Variants in CRNKL1 observed in about 807,000 individuals in gnomAD.
CRNKL1 encodes crooked neck pre-mRNA splicing factor 1, also known as crooked neck-like protein 1.
Under a neutral mutation model 103.7 loss-of-function variants are expected in CRNKL1, and 35 were observed. The observed-to-expected ratio is 0.34, with a 90% CI of 0.26 to 0.45. CRNKL1 has a LOEUF of 0.45. Ranked by LOEUF, CRNKL1 falls within the 20% of genes least tolerant of loss-of-function variation. The pLI, the probability that CRNKL1 is intolerant of heterozygous loss-of-function variation, is 1.00. For missense variants in CRNKL1, 645 were observed against 836.0 expected (o/e 0.77, Z 2.82); for synonymous variants, 267 against 282.6 (o/e 0.94, Z 0.55).
rs1172988928 is a variant in CRNKL1 at position 20,039,656 on chromosome 20, C to G, written c.1498G>C (p.Ala500Pro). The G allele has an allele frequency of 1.2e-6, 2 of 1,614,146 alleles. No individual in the cohort carries two copies. Among genetic ancestry groups the G allele is most frequent in the South Asian group, 2.2e-5 (2 of 91,076 alleles). Residue 500 changes from alanine (A) to proline (P), a missense_variant, in exon 11 of 14, where the codon GCA becomes CCA. Ala to Pro is a conservative substitution (Grantham distance 27). Coordinates refer to ENST00000536226, the MANE Select transcript of CRNKL1 (RefSeq NM_001278628.2). Reference protein sequence around the residue: ...TILGDIDRARAIYELAISQPR... With the variant: ...TILGDIDRARPIYELAISQPR... ...TGACTGATGGCTAATTCATAGATTGCCCGTGCTCTGTCAATATCACCAAGG... is the reference window on the plus strand; with the variant it reads ...TGACTGATGGCTAATTCATAGATTGGCCGTGCTCTGTCAATATCACCAAGG...
intron 12 of CRNKL1, 45 bp from the exon 13 acceptor site, chr20:20,037,616 G>GA (rs1246209698): frequency 1.3e-6 from 2 of 1,577,196 alleles, no homozygotes; most frequent in African/African-American, 2.7e-5. Flanking sequence ...ATATCACTCA[G>GA]AAGATAATAA....
In CRNKL1 at chr20:20,042,442, C is replaced by T. The variant is rs766886257; in HGVS notation, c.1047G>A (p.Val349=). 1.9e-6 allele frequency: 3 copies of T among 1,614,158 alleles called. No individual in the cohort carries two copies. In the South Asian group the frequency reaches 3.3e-5, roughly 18 times the overall value. The change falls in exon 8 of 14, where the codon GTG becomes GTA. Residue 349 remains valine (V), a synonymous_variant. Coordinates refer to ENST00000536226, the MANE Select transcript of CRNKL1 (RefSeq NM_001278628.2). ...CAATGGCCCTTTCATAGACTTCTCTCACGGCTTCAGCTTCTGCGTCACTTT... is the reference window on the plus strand; with the variant it reads ...CAATGGCCCTTTCATAGACTTCTCTTACGGCTTCAGCTTCTGCGTCACTTT... ...LVESDAEAEA[V]REVYERAIAN...
chr20:20,038,239 A>T (rs1265087402), intron 12 of CRNKL1, 110 bp downstream of exon 12: 9 of 144,684 alleles, frequency 6.2e-5, no homozygotes, highest in Middle Eastern at 1.0e-3. Context: ...GGAAGTCATT[A>T]AAAAAAAAAA....
intron 13 of CRNKL1, 39 bp downstream of exon 13, chr20:20,037,284 T>C (rs779152395): frequency 1.9e-6 from 3 of 1,593,976 alleles, no homozygotes; most frequent in Non-Finnish European, 2.6e-6. Flanking sequence ...TTTCTACTCA[T>C]GTGACGTGAG....
chr20:20,049,853 T>C (rs867561819), intron 2 of CRNKL1, among the ~76,000 whole-genome samples: 10 of 152,108 alleles, frequency 6.6e-5, no homozygotes, highest in Middle Eastern at 3.4e-3. Flanking sequence ...AGTCTTGCTC[T>C]GTCGCCCAGG....
At chr20:20,037,606 A>G (rs201593794) in intron 12 of CRNKL1, 35 bp from the exon 13 acceptor site, 2 of 1,595,744 alleles carry the variant, frequency 1.3e-6, no homozygotes, top group African/African-American at 1.4e-5. Flanking sequence ...CAAATTAACC[A>G]TATCACTCAG....
At chr20:20,037,268 G>A in intron 13 of CRNKL1, 55 bp downstream of exon 13, 1 of 1,573,040 alleles carries the variant, frequency 6.4e-7, no homozygotes, top group South Asian at 1.2e-5. Flanking sequence ...TTCGACGTCA[G>A]AAGTGTTTCT....
At chr20:20,041,273 C>T (rs2043509901) in intron 9 of CRNKL1, among the ~76,000 whole-genome samples, 1 of 152,222 alleles carries the variant, frequency 6.6e-6, no homozygotes, top group African/African-American at 2.4e-5. Flanking sequence ...GCCTGTGTGT[C>T]CCCCGCACAC....
chr20:20,039,697 G>C lies in CRNKL1; in HGVS notation c.1457C>G (p.Ala486Gly). 6.2e-7 allele frequency: 1 copy of C among 1,614,146 alleles called. No individual in the cohort carries two copies. The highest frequency in any genetic ancestry group is 1.3e-5 in the African/African-American group (1 of 75,036). The change falls in exon 11 of 14, where the codon GCT (alanine) becomes GGT (glycine). Residue 486 changes from alanine (A) to glycine (G), a missense_variant. Transcript: ENST00000536226. ...PENCTSWIKF[A>G]ELETILGDID... is the part of the protein sequence containing the mutation. ...ATCACCAAGGATTGTCTCTAATTCA[G>C]CGAATTTAATCCATGAGGTACAATT... is the stretch of plus-strand genomic sequence containing the variant.
intron 3 of CRNKL1, 138 bp downstream of exon 3, chr20:20,049,202 G>A: frequency 1.7e-6 from 1 of 572,438 alleles, no homozygotes; most frequent in South Asian, 2.3e-5. Flanking sequence ...GGAACCCTAG[G>A]GTTCCATGGA....
At chr20:20,050,372 C>T (rs1236894238) in intron 2 of CRNKL1, 98 bp downstream of exon 2, 4 of 1,042,858 alleles carry the variant, frequency 3.8e-6, no homozygotes, top group African/African-American at 1.6e-5. Flanking sequence ...AACACTTAAC[C>T]TCATCTTGCC....
chr20:20,055,933 C>A, upstream of CRNKL1: 1 of 1,587,464 alleles, frequency 6.3e-7, no homozygotes, highest in East Asian at 2.3e-5. Context: ...AAATTGAAAT[C>A]ATTTTGTGAC....
In CRNKL1 at chr20:20,049,450, G is replaced by C. The variant is rs776394928; in HGVS notation, c.205-19C>G. 13 of 1,366,756 alleles carry C rather than the reference G, an allele frequency of 9.5e-6. No individual in the cohort carries two copies. The highest frequency in any genetic ancestry group is 1.2e-5 in the Non-Finnish European group (12 of 968,378). The allele number at this position is 1,366,756 out of a possible 1,614,324, so 84.7% of individuals were successfully genotyped here. A position where few individuals can be genotyped will look rare whatever the true frequency, so the allele number is the denominator to read the frequency against. On this transcript the variant is annotated intron_variant, in intron 2 of 13. Transcript: ENST00000536226. ...CAAAAGTCTGGAAGAAGGCAAAAAG[G>C]GTCAAGTCAAAAGACAAATGACTAA... is the stretch of plus-strand genomic sequence containing the variant.
In CRNKL1 at chr20:20,037,414, T is replaced by C. The variant is rs2146481049; in HGVS notation, c.1805A>G (p.Glu602Gly). 6.2e-7 allele frequency: 1 copy of C among 1,614,174 alleles called. No homozygotes were observed. The highest frequency in any genetic ancestry group is 8.5e-7 in the Non-Finnish European group (1 of 1,180,036). ...MLLESWRSFE[E>G]EFGTASDKER... ...CTTATCTGAAGCTGTTCCAAATTCT[T>C]CTTCAAAACTTCGCCAAGATTCCAG... The change falls in exon 13 of 14, where the codon GAA becomes GGA. Residue 602 changes from glutamate (E) to glycine (G), a missense_variant. Physicochemically the swap from Glu to Gly is moderately conservative, Grantham distance 98. Around this residue, in one of 2 missense-constraint regions of CRNKL1, gnomAD observed 582 missense variants for 707.7 expected, o/e 0.82. Coordinates refer to ENST00000536226, the MANE Select transcript of CRNKL1 (RefSeq NM_001278628.2).
upstream of CRNKL1, among the ~76,000 whole-genome samples, chr20:20,055,313 T>G (rs2044224856): frequency 6.6e-6 from 1 of 152,208 alleles, no homozygotes; most frequent in Admixed American, 6.5e-5. Context: ...CCATACCCAC[T>G]TTAGTCTAGA....
At chr20:20,052,494 T>G (rs779736792), upstream of CRNKL1, 76 of 1,614,104 alleles carry the variant, frequency 4.7e-5, no homozygotes, top group Non-Finnish European at 6.2e-5. Context: ...ACCTCTCGCT[T>G]GAGCCGTGAC....
At chr20:20,048,647 G>C in intron 3 of CRNKL1, 146 bp from the exon 4 acceptor site, 1 of 701,656 alleles carries the variant, frequency 1.4e-6, no homozygotes, top group South Asian at 1.9e-5. Flanking sequence ...AAGATATAAT[G>C]CTCTCAAGTA....
At chr20:20,042,851 C>G (rs761681179) in intron 7 of CRNKL1, among the ~76,000 whole-genome samples, 1 of 152,184 alleles carries the variant, frequency 6.6e-6, no homozygotes. Context: ...TCTGTAACAA[C>G]AGAATCGTAT....
At chr20:20,055,809 T>G, upstream of CRNKL1, 1 of 661,858 alleles carries the variant, frequency 1.5e-6, no homozygotes, top group East Asian at 2.9e-5. Flanking sequence ...TCCTTCATTG[T>G]TTTCCCTGTT....
Sources: gnomAD v4.1 joint callset for allele counts (sites outside exome capture counted in the v4.1 genomes callset) on GRCh38, gnomAD v4.1.1 for gene constraint, gnomAD v4.1.1 regional missense constraint, MANE v1.5 for transcripts, NCBI Gene and HGNC (gene_info 2026-07-23, HGNC 2026-07-21) for gene names.